Variants in TMEM245 observed in about 807,000 individuals in gnomAD.
The protein encoded by TMEM245 is transmembrane protein 245, also known as protein CG-2.
A neutral mutation model predicts 101.2 loss-of-function variants in TMEM245; 69 were observed. The observed-to-expected ratio is 0.68, with a 90% CI of 0.56 to 0.83. The LOEUF is 0.83. Among genes scored for constraint, TMEM245 ranks in the 40% least tolerant of loss-of-function variants. The pLI, the probability that TMEM245 is intolerant of heterozygous loss-of-function variation, is 0.00. For missense variants in TMEM245, 1,075 were observed against 1,092.8 expected, an observed-to-expected ratio of 0.98 and a Z score of 0.23; for synonymous variants, 537 against 449.8, an observed-to-expected ratio of 1.19 and a Z score of -2.45.
chr9:109,079,009 A>G (rs181924573), intron 8 of TMEM245, among the ~76,000 whole-genome samples: 2 of 152,294 alleles, frequency 1.3e-5, no homozygotes, highest in Non-Finnish European at 2.9e-5. Context: ...AAACCTAAAC[A>G]CATCTGTGCA....
chr9:109,028,782 A>G (rs1827866111), intron 17 of TMEM245, among the ~76,000 whole-genome samples: 1 of 152,150 alleles, frequency 6.6e-6, no homozygotes, highest in African/African-American at 2.4e-5. Context: ...CTATGAAGAG[A>G]GGCAGCCTCT....
At chr9:109,057,367 A>G (rs1160579469) in intron 11 of TMEM245, 45 bp from the exon 12 acceptor site, 1 of 1,588,558 alleles carries the variant, frequency 6.3e-7, no homozygotes, top group Admixed American at 1.7e-5. Flanking sequence ...ATCTTAATCT[A>G]AAGAACAGAA....
At chr9:109,051,133 A>G (rs1477599248) in intron 12 of TMEM245, among the ~76,000 whole-genome samples, 1 of 152,006 alleles carries the variant, frequency 6.6e-6, no homozygotes, top group Non-Finnish European at 1.5e-5. Flanking sequence ...TCTACTAAAA[A>G]TACAAAATTA....
At chr9:109,084,050 G>T (rs1305661313) in intron 7 of TMEM245, among the ~76,000 whole-genome samples, 1 of 149,688 alleles carries the variant, frequency 6.7e-6, no homozygotes, top group African/African-American at 2.5e-5. Context: ...CTGCACTCCA[G>T]CCTGGGTGAC....
intron 2 of TMEM245, among the ~76,000 whole-genome samples, chr9:109,107,083 T>A (rs1049475682): frequency 6.6e-6 from 1 of 151,892 alleles, no homozygotes; most frequent in Non-Finnish European, 1.5e-5. Context: ...CCTCAGTGTA[T>A]AATGCAAAAA....
At chr9:109,113,095 C>T (rs914060903) in intron 1 of TMEM245, among the ~76,000 whole-genome samples, 2 of 152,170 alleles carry the variant, frequency 1.3e-5, no homozygotes, top group East Asian at 1.9e-4. Context: ...AGGGGCAGGG[C>T]GGGGGAAGGA....
intron 14 of TMEM245, chr9:109,042,529 G>A (rs1451366155): frequency 6.6e-6 from 1 of 152,082 alleles, no homozygotes; most frequent in Non-Finnish European, 1.5e-5. Context: ...TTGGCTCATG[G>A]CCCCATCTTC....
chr9:109,046,183 G>A (rs757443419), intron 14 of TMEM245: 1 of 528,468 alleles, frequency 1.9e-6, no homozygotes, highest in East Asian at 5.5e-5. Context: ...CTGAAAAGCT[G>A]TAATCCCAGC....
At chr9:109,028,234 G>A (rs2132291097) in intron 17 of TMEM245, among the ~76,000 whole-genome samples, 1 of 151,968 alleles carries the variant, frequency 6.6e-6, no homozygotes, top group Non-Finnish European at 1.5e-5. Context: ...CAGATCACCT[G>A]AGGTCAGGAG....
rs1829303147 is a variant in TMEM245 at position 109,070,599 on chromosome 9, C to A, written c.1532+2757G>T. Reference sequence around the variant, plus strand: ...GTCTCAAAGGTTTACATCTTGTATACCTTCAATCTTTTCTCCACAAAGCAG... The same window carrying A: ...GTCTCAAAGGTTTACATCTTGTATAACTTCAATCTTTTCTCCACAAAGCAG... On this transcript the variant is annotated intron_variant, in intron 9 of 17. Transcript: ENST00000374586. Among the ~76,000 whole-genome samples, 3 of 152,146 alleles carry A rather than the reference C, an allele frequency of 2.0e-5. No homozygotes were observed. The South Asian group carries it at 6.2e-4, about 32-fold the overall frequency.
At chr9:109,086,201 T>C (rs1420510573) in intron 6 of TMEM245, among the ~76,000 whole-genome samples, 181 bp from the exon 7 acceptor site, 2 of 152,194 alleles carry the variant, frequency 1.3e-5, no homozygotes, top group Non-Finnish European at 1.5e-5. Context: ...GAATGTAGTA[T>C]TCCTTTAAGA....
chr9:109,058,518 G>A (rs548620234), intron 11 of TMEM245, among the ~76,000 whole-genome samples: 4 of 152,112 alleles, frequency 2.6e-5, no homozygotes, highest in Admixed American at 2.0e-4. Context: ...GATCACTTGA[G>A]CCTAGCCGTT....
chr9:109,065,655 C>T (rs911798168), intron 9 of TMEM245, among the ~76,000 whole-genome samples: 3 of 152,156 alleles, frequency 2.0e-5, no homozygotes, highest in Admixed American at 2.0e-4. Context: ...GAATCCTTTA[C>T]ACAATCCTAA....
intron 16 of TMEM245, among the ~76,000 whole-genome samples, chr9:109,035,489 T>C (rs1828091559): frequency 6.6e-6 from 1 of 152,206 alleles, no homozygotes; most frequent in South Asian, 2.1e-4. Flanking sequence ...CCTGTATTTA[T>C]CATAGAACCA....
At chr9:109,094,934 C>G (rs980390197) in intron 3 of TMEM245, among the ~76,000 whole-genome samples, 1 of 152,170 alleles carries the variant, frequency 6.6e-6, no homozygotes, top group Non-Finnish European at 1.5e-5. Context: ...ATTAACTCCA[C>G]ATACCCAAAT....
intron 16 of TMEM245, among the ~76,000 whole-genome samples, chr9:109,035,771 T>C (rs1828098128): frequency 6.6e-6 from 1 of 151,816 alleles, no homozygotes; most frequent in African/African-American, 2.4e-5. Context: ...ATATTACATA[T>C]GTAATAAGAA....
chr9:109,050,573 A>G lies in TMEM245; in HGVS notation c.1974T>C (p.Ser658=). The part of the protein sequence containing the change: ...SGTALLNFVL[S]LIIFLTTLFY... ...GTACTTATCTATGTGGACGTACCAG[A>G]GAGAGTACAAAATTGAGAAGGGCTG... The change falls in exon 13 of 18, where the codon TCT becomes TCC. Residue 658 remains serine (S), a synonymous_variant. Coordinates refer to ENST00000374586, the MANE Select transcript of TMEM245 (RefSeq NM_032012.4). The G allele has an allele frequency of 6.2e-7, 1 of 1,613,986 alleles. No homozygotes were observed. Among genetic ancestry groups the G allele is most frequent in the Non-Finnish European group, 8.5e-7 (1 of 1,179,968 alleles).
chr9:109,110,641 G>A (rs550352070), intron 1 of TMEM245, among the ~76,000 whole-genome samples: 100 of 151,972 alleles, frequency 6.6e-4, no homozygotes, highest in Middle Eastern at 3.4e-3. Flanking sequence ...TAAACATTAC[G>A]TCAGTCACTT....
chr9:109,080,827 A>G lies in TMEM245; in HGVS notation c.1449+12T>C. On this transcript the variant is annotated intron_variant, in intron 8 of 17. Transcript: ENST00000374586. Reference sequence around the variant, plus strand: ...GGGTTTATTAATGAGAATAATAATCACTGTACTCTACCTTTGCAGTCAGGA... The same window carrying G: ...GGGTTTATTAATGAGAATAATAATCGCTGTACTCTACCTTTGCAGTCAGGA... 1 of 1,468,842 alleles carries G rather than the reference A, an allele frequency of 6.8e-7. No homozygotes were observed. The highest frequency in any genetic ancestry group is 9.5e-7 in the Non-Finnish European group (1 of 1,054,436). The allele number at this position is 1,468,842 out of a possible 1,614,324, so 91.0% of individuals were successfully genotyped here.
Sources: allele counts gnomAD v4.1 joint callset (sites outside exome capture counted in the v4.1 genomes callset), GRCh38; gene constraint gnomAD v4.1.1; transcripts MANE v1.5; gene names NCBI Gene and HGNC (gene_info 2026-07-23, HGNC 2026-07-21).